Variants in MGST1 observed in about 807,000 individuals in gnomAD.
MGST1 encodes the protein glutathione S-transferase 12.
In MGST1, 5 loss-of-function variants were observed where a neutral mutation model predicts 8.9. That is an observed-to-expected ratio of 0.56 (90% CI 0.29 to 1.19). MGST1 has a LOEUF of 1.19. Ranked by LOEUF, MGST1 falls within the 50% of genes most tolerant of loss-of-function variation. MGST1 has a pLI of 0.08. For synonymous variants in MGST1, 54 were observed against 67.8 expected (o/e 0.80, Z 1.00); for missense variants, 182 against 187.4 (o/e 0.97, Z 0.17).
chr12:16,454,543 A>G (rs1941154696), intron 4 of MGST1, among the ~76,000 whole-genome samples: 1 of 151,858 alleles, frequency 6.6e-6, no homozygotes. Flanking sequence ...TGTTAAATAA[A>G]TCTACCAAAG....
At chr12:16,422,556 G>A (rs1940848047) in intron 1 of MGST1, among the ~76,000 whole-genome samples, 1 of 152,104 alleles carries the variant, frequency 6.6e-6, no homozygotes, top group African/African-American at 2.4e-5. Context: ...AATGGGGCCT[G>A]GGTCACCTGC....
At position 16,555,778 on chromosome 12, in the gene MGST1, C is replaced by T. The variant is rs1343327698; in HGVS notation, n.483-33750C>T. 1.3e-5 allele frequency among the ~76,000 whole-genome samples: 2 copies of T among 152,134 alleles called. No individual in the cohort carries two copies. The highest frequency in any genetic ancestry group is 2.4e-5 in the African/African-American group (1 of 41,428). On this transcript the variant is annotated intron_variant and non_coding_transcript_variant, in intron 4 of 4. Transcript: ENST00000538857. The surrounding 1 kb of genome is among the most constrained non-coding windows in gnomAD (Gnocchi z 5.5). ...GCTTTCACATCTGCATGCCTTTGCA[C>T]GTTGCTCAATTTGCCTGAAAATTCC... is the stretch of plus-strand genomic sequence containing the variant.
chr12:16,452,098 T>C (rs536766623), intron 4 of MGST1, among the ~76,000 whole-genome samples: 1 of 151,958 alleles, frequency 6.6e-6, no homozygotes, highest in African/African-American at 2.4e-5. Flanking sequence ...AGTATTATAT[T>C]ACACATAAAA....
intron 1 of MGST1, among the ~76,000 whole-genome samples, chr12:16,398,086 ATT>A (rs34896307): frequency 1.5e-4 from 22 of 147,314 alleles, no homozygotes; most frequent in East Asian, 7.9e-4. Flanking sequence ...TCTTGGTTAG[ATT>A]TTTTTTTTTT....
chr12:16,417,576 A>G (rs965559724), intron 1 of MGST1, among the ~76,000 whole-genome samples: 2 of 152,188 alleles, frequency 1.3e-5, no homozygotes, highest in African/African-American at 4.8e-5. Context: ...TAGCAGATCA[A>G]TGAAAGAATC....
chr12:16,561,179 T>C (rs1184803899), intron 4 of MGST1, among the ~76,000 whole-genome samples: 2 of 152,146 alleles, frequency 1.3e-5, no homozygotes, highest in East Asian at 1.9e-4. Flanking sequence ...ACTGGAATTG[T>C]CTAGGATTTA....
At chr12:16,558,455 T>G (rs2137312089) in intron 4 of MGST1, among the ~76,000 whole-genome samples, 1 of 152,224 alleles carries the variant, frequency 6.6e-6, no homozygotes, top group East Asian at 1.9e-4. Context: ...CTAAATTTAC[T>G]ACTAAGACAC....
intron 1 of MGST1, among the ~76,000 whole-genome samples, chr12:16,421,752 C>G (rs1249215500): frequency 6.6e-6 from 1 of 152,036 alleles, no homozygotes; most frequent in Non-Finnish European, 1.5e-5. Context: ...GATAAAATGT[C>G]ATGATGGTGG....
At chr12:16,540,574 A>C (rs775752021) in intron 4 of MGST1, among the ~76,000 whole-genome samples, 3 of 152,360 alleles carry the variant, frequency 2.0e-5, no homozygotes, top group Admixed American at 6.5e-5. Flanking sequence ...AGGAAGCTAT[A>C]GCACTTGGCA....
chr12:16,484,740 G>A (rs543452633), intron 4 of MGST1, among the ~76,000 whole-genome samples: 19 of 152,224 alleles, frequency 1.2e-4, no homozygotes, highest in Middle Eastern at 6.8e-3. Context: ...GAAACCATCC[G>A]CATGATTCAA....
intron 4 of MGST1, among the ~76,000 whole-genome samples, chr12:16,529,443 C>T (rs942573575): frequency 2.0e-5 from 3 of 152,046 alleles, no homozygotes; most frequent in African/African-American, 7.2e-5. Flanking sequence ...ATTCTTGTAG[C>T]AGAATTAAAT....
At chr12:16,376,959 T>C (rs1940390664) in exon 4 of MGST1, 1 of 152,110 alleles carries the variant, frequency 6.6e-6, no homozygotes, top group African/African-American at 2.4e-5. Context: ...TATTTATGTT[T>C]GAAATGTTCT....
intron 4 of MGST1, among the ~76,000 whole-genome samples, chr12:16,540,635 A>C (rs908453491): frequency 1.3e-5 from 2 of 152,238 alleles, no homozygotes; most frequent in Non-Finnish European, 2.9e-5. Flanking sequence ...TATAAAATAA[A>C]AAATTGTATT....
intron 4 of MGST1, among the ~76,000 whole-genome samples, chr12:16,467,768 C>T (rs1481958233): frequency 6.6e-6 from 1 of 152,216 alleles, no homozygotes; most frequent in African/African-American, 2.4e-5. Context: ...CTGGAACCTT[C>T]TGCTTTTACA....
chr12:16,504,257 T>C (rs894971400), intron 4 of MGST1, among the ~76,000 whole-genome samples: 4 of 152,038 alleles, frequency 2.6e-5, no homozygotes, highest in African/African-American at 7.3e-5. Flanking sequence ...CAAACAATGT[T>C]AGTAAAATGT....
At chr12:16,483,983 TATC>T (rs1297031618) in intron 4 of MGST1, among the ~76,000 whole-genome samples, 4 of 152,162 alleles carry the variant, frequency 2.6e-5, no homozygotes, top group Admixed American at 6.5e-5. Context: ...AAAAAAGTAA[TATC>T]ATATTGCACA....
At chr12:16,461,937 T>C (rs1196385541) in intron 4 of MGST1, among the ~76,000 whole-genome samples, 1 of 152,094 alleles carries the variant, frequency 6.6e-6, no homozygotes, top group Non-Finnish European at 1.5e-5. Flanking sequence ...TTCCTAACAA[T>C]AAAGTATGAC....
chr12:16,399,269 C>G, intron 1 of MGST1: 1 of 1,603,266 alleles, frequency 6.2e-7, no homozygotes, highest in Non-Finnish European at 8.5e-7. Context: ...GGCCAAAGTT[C>G]AGAAGTTACT....
At chr12:16,487,040 G>A (rs1941403350) in intron 4 of MGST1, among the ~76,000 whole-genome samples, 1 of 152,140 alleles carries the variant, frequency 6.6e-6, no homozygotes, top group African/African-American at 2.4e-5. Context: ...TCAATGGCCA[G>A]AATTTCTCCT....
Sources: gnomAD v4.1 joint callset for allele counts (sites outside exome capture counted in the v4.1 genomes callset) on GRCh38, gnomAD v4.1.1 for gene constraint, Gnocchi (gnomAD v3.1) non-coding constraint, MANE v1.5 for transcripts, NCBI Gene and HGNC (gene_info 2026-07-23, HGNC 2026-07-21) for gene names.